The following RC3H1 variants were observed in gnomAD, a reference collection of about 807,000 sequenced individuals.
The protein encoded by RC3H1 is roquin-1.
Under a neutral mutation model 138.2 loss-of-function variants are expected in RC3H1, and 50 were observed. The observed-to-expected ratio is 0.36, with a 90% confidence interval of 0.29 to 0.46. RC3H1 has a LOEUF of 0.46. Ranked by LOEUF, RC3H1 falls within the 20% of genes least tolerant of loss-of-function variation. The pLI, the probability that RC3H1 is intolerant of heterozygous loss-of-function variation, is 1.00. For synonymous variants in RC3H1, 462 were observed against 489.1 expected (o/e 0.94, Z 0.73); for missense variants, 1,031 against 1,388.1 (o/e 0.74, Z 4.09).
intron 9 of RC3H1, among the ~76,000 whole-genome samples, chr1:173,968,124 T>C (rs1660200885): frequency 6.6e-6 from 1 of 152,192 alleles, no homozygotes; most frequent in Non-Finnish European, 1.5e-5. Flanking sequence ...TCTATTGCAT[T>C]TCATTAATCT....
Position 173,935,850 on chromosome 1 carries a change from G to A in RC3H1, c.*2871C>T, listed in dbSNP as rs1034177994. The A allele has an allele frequency of 3.3e-5, 5 of 152,198 alleles. No homozygotes were observed. The highest frequency in any genetic ancestry group is 5.9e-5 in the Non-Finnish European group (4 of 68,036). The allele number at this position is 152,198 out of a possible 1,614,324, so 9.4% of individuals were successfully genotyped here. On this transcript the variant is annotated 3_prime_UTR_variant, in exon 20 of 20. Coordinates refer to ENST00000367696, the MANE Select transcript of RC3H1 (RefSeq NM_172071.4). ...ATTTAAAATACATTATAGGCACAATGGGACAATATACCATCCTTCTGCCTT... is the reference window on the plus strand; with the variant it reads ...ATTTAAAATACATTATAGGCACAATAGGACAATATACCATCCTTCTGCCTT...
chr1:173,945,897 C>T (rs12563099), intron 17 of RC3H1, among the ~76,000 whole-genome samples: 1 of 151,824 alleles, frequency 6.6e-6, no homozygotes, highest in African/African-American at 2.4e-5. Context: ...TTAGTAGACA[C>T]GGGGTTTCAC....
In RC3H1 at chr1:173,993,059, T is replaced by C. The variant is rs1317812798; in HGVS notation, c.-74A>G. ...AGCAAAGATTCCACTGGAATCAAAA[T>C]CTTTGAAAAAAAGTTTATCTTTTTT... On this transcript the variant is annotated 5_prime_UTR_variant, in exon 2 of 20. Coordinates refer to ENST00000367696, the MANE Select transcript of RC3H1 (RefSeq NM_172071.4). 4.6e-6 allele frequency: 5 copies of C among 1,096,810 alleles called. No individual in the cohort carries two copies. The highest frequency in any genetic ancestry group is 6.8e-6 in the Non-Finnish European group (5 of 740,160). 67.9% of individuals were successfully genotyped at this position (1,096,810 alleles called of 1,614,324 possible).
At chr1:173,946,658 A>G in intron 16 of RC3H1, 50 bp from the exon 17 acceptor site, 5 of 1,603,016 alleles carry the variant, frequency 3.1e-6, no homozygotes, top group Non-Finnish European at 4.3e-6. Flanking sequence ...TCATTTTGTT[A>G]ACATATTACT....
rs555227112 is a variant in RC3H1, at chr1:174,009,631, G to A, written c.-151+12465C>T. 4.7e-4 allele frequency among the ~76,000 whole-genome samples: 71 copies of A among 152,254 alleles called. 1 individual carries two copies. The highest frequency in any genetic ancestry group is 1.6e-3 in the African/African-American group (68 of 41,548). ...AGGTGGGCAGATCACTTGAGGTTAG[G>A]AGTTCAAGACCAGCCCGGCCAACAT... is the stretch of plus-strand genomic sequence containing the variant. On this transcript the variant is annotated intron_variant, in intron 1 of 19. Transcript: ENST00000367696.
At chr1:173,957,962 A>G (rs781456739) in intron 13 of RC3H1, among the ~76,000 whole-genome samples, 8 of 152,228 alleles carry the variant, frequency 5.3e-5, no homozygotes, top group Non-Finnish European at 1.0e-4. Flanking sequence ...TTTAGATGAG[A>G]AAACTAGATA....
At chr1:173,944,993 A>G (rs967939504) in intron 17 of RC3H1, among the ~76,000 whole-genome samples, 1 of 152,212 alleles carries the variant, frequency 6.6e-6, no homozygotes, top group African/African-American at 2.4e-5. Context: ...TTTTTCCTCC[A>G]GAAAGGACAA....
chr1:174,010,344 TC>T (rs150344600), intron 1 of RC3H1, among the ~76,000 whole-genome samples: 9,650 of 152,168 alleles, frequency 0.063, 1,067 homozygotes, highest in African/African-American at 0.22. Flanking sequence ...ACTGATATAG[TC>T]CTGAATGAAA....
chr1:173,942,360 G>A (rs1422036095), intron 18 of RC3H1, among the ~76,000 whole-genome samples: 2 of 148,040 alleles, frequency 1.4e-5, no homozygotes, highest in African/African-American at 2.5e-5. Context: ...TGGAACATGG[G>A]AGGCGGAGGT....
At chr1:173,945,959 G>C (rs921450083) in intron 17 of RC3H1, among the ~76,000 whole-genome samples, 6 of 151,740 alleles carry the variant, frequency 4.0e-5, no homozygotes, top group African/African-American at 1.5e-4. Context: ...CACTTGCCTC[G>C]GCCTCCCAAA....
intron 6 of RC3H1, 113 bp from the exon 7 acceptor site, chr1:173,978,733 A>G: frequency 9.0e-7 from 1 of 1,112,176 alleles, no homozygotes; most frequent in Non-Finnish European, 1.2e-6. Flanking sequence ...TTATCTTCCC[A>G]TATACCCTAC....
At chr1:173,995,846 A>G (rs764493561) in intron 1 of RC3H1, among the ~76,000 whole-genome samples, 25 of 152,214 alleles carry the variant, frequency 1.6e-4, no homozygotes, top group Non-Finnish European at 3.5e-4. Flanking sequence ...AGAAAACCTG[A>G]TATGTAAAAA....
At position 173,962,008 on chromosome 1, in the gene RC3H1, T is replaced by C. The variant is rs1488456314; in HGVS notation, c.1919A>G (p.Asp640Gly). 1 of 1,614,050 alleles carries C rather than the reference T, an allele frequency of 6.2e-7. No individual in the cohort carries two copies. The highest frequency in any genetic ancestry group is 1.7e-5 in the Admixed American group (1 of 59,998). The change falls in exon 12 of 20, where the codon GAT becomes GGT. Residue 640 changes from aspartate to glycine, a missense_variant. By Grantham distance (94) the Asp-to-Gly change is moderately conservative (BLOSUM62 -1). Coordinates refer to ENST00000367696, the MANE Select transcript of RC3H1 (RefSeq NM_172071.4). ...SAPEPAPPYLDHYPPYLQERV... is the reference protein window; with the variant it reads ...SAPEPAPPYLGHYPPYLQERV... ...TTCTTGGAGGTAGGGTGGATAATGA[T>C]CCAAGTAGGGAGGAGCAGGTTCAGG...
intron 19 of RC3H1, among the ~76,000 whole-genome samples, chr1:173,939,797 T>G (rs1430884388): frequency 6.6e-6 from 1 of 151,540 alleles, no homozygotes; most frequent in Non-Finnish European, 1.5e-5. Flanking sequence ...ATCATGCCAT[T>G]GCACTCCAGC....
intron 18 of RC3H1, among the ~76,000 whole-genome samples, chr1:173,942,946 C>T (rs1288891591): frequency 6.6e-6 from 1 of 152,138 alleles, no homozygotes; most frequent in Non-Finnish European, 1.5e-5. Context: ...GAAGCAAATC[C>T]TAAGCATATT....
Position 173,943,505 on chromosome 1 carries a change from C to T in RC3H1, c.3072G>A (p.Gln1024=), listed in dbSNP as rs781513399. Residue 1024 remains glutamine, a synonymous_variant, in exon 18 of 20, where the codon CAG becomes CAA. Coordinates refer to ENST00000367696, the MANE Select transcript of RC3H1 (RefSeq NM_172071.4). ...PKWPGMISSE[Q]LSLELHQVER... ...CCACCTGGTGCAGTTCCAAGCTCAACTGCTCACTTGAGATCATCCCAGGCC... is the reference window on the plus strand; with the variant it reads ...CCACCTGGTGCAGTTCCAAGCTCAATTGCTCACTTGAGATCATCCCAGGCC... The T allele has an allele frequency of 1.9e-6, 3 of 1,614,136 alleles. No individual in the cohort carries two copies. In the South Asian group the frequency reaches 3.3e-5, roughly 18 times the overall value.
intron 7 of RC3H1, among the ~76,000 whole-genome samples, chr1:173,975,188 C>T (rs1019833787): frequency 1.3e-5 from 2 of 152,066 alleles, no homozygotes; most frequent in South Asian, 2.1e-4. Context: ...CTCCATCTTC[C>T]GGGTTCAAGC....
chr1:173,965,284 T>A (rs1169928280), intron 9 of RC3H1, among the ~76,000 whole-genome samples, 164 bp from the exon 10 acceptor site: 2 of 152,204 alleles, frequency 1.3e-5, no homozygotes, highest in Non-Finnish European at 2.9e-5. Flanking sequence ...ATATTAAGTA[T>A]AAAATTCCTC....
At chr1:173,962,185 A>T in intron 11 of RC3H1, 90 bp from the exon 12 acceptor site, 1 of 1,169,550 alleles carries the variant, frequency 8.6e-7, no homozygotes, top group South Asian at 1.6e-5. Context: ...CTGAAACACT[A>T]AAGTATTGAT....
Sources: gnomAD v4.1 joint callset for allele counts (sites outside exome capture counted in the v4.1 genomes callset) on GRCh38, gnomAD v4.1.1 for gene constraint, MANE v1.5 for transcripts, NCBI Gene and HGNC (gene_info 2026-07-23, HGNC 2026-07-21) for gene names.